Variants in ABCC5 observed in about 807,000 individuals in gnomAD.
ABCC5 encodes the protein ATP-binding cassette sub-family C member 5.
Under a neutral mutation model 160.9 loss-of-function variants are expected in ABCC5, and 61 were observed. That is an observed-to-expected ratio of 0.38 (90% CI 0.31 to 0.47). The LOEUF (loss-of-function observed/expected upper bound fraction) is 0.47, where lower values mean the gene tolerates loss of function less well. ABCC5 is among the 20% of genes least tolerant of loss of function. The pLI, the probability that ABCC5 is intolerant of heterozygous loss-of-function variation, is 0.99. For missense variants in ABCC5, 1,308 were observed against 1,813.3 expected (o/e 0.72, Z 5.06); for synonymous variants, 666 against 700.6 (o/e 0.95, Z 0.78).
intron 25 of ABCC5, among the ~76,000 whole-genome samples, chr3:183,942,262 C>T (rs1276665007): frequency 6.6e-6 from 1 of 152,088 alleles, no homozygotes; most frequent in Non-Finnish European, 1.5e-5. Flanking sequence ...TGGTGTTGAA[C>T]TCCTCAGGTG....
chr3:184,014,019 C>T (rs1576958190), intron 2 of ABCC5, among the ~76,000 whole-genome samples: 1 of 152,138 alleles, frequency 6.6e-6, no homozygotes, highest in Non-Finnish European at 1.5e-5. Context: ...ATTATAGGCG[C>T]CCGCCACCAC....
chr3:183,954,608 T>C (rs1715695792), intron 17 of ABCC5, among the ~76,000 whole-genome samples: 1 of 152,202 alleles, frequency 6.6e-6, no homozygotes, highest in African/African-American at 2.4e-5. Flanking sequence ...ACATAGTAAC[T>C]GGCTGGCTGC....
chr3:183,960,005 A>C (rs1716577086), intron 16 of ABCC5, among the ~76,000 whole-genome samples, 170 bp from the exon 17 acceptor site: 1 of 152,144 alleles, frequency 6.6e-6, no homozygotes, highest in South Asian at 2.1e-4. Flanking sequence ...CATCTCCTTA[A>C]ATTTTTAAGA....
At position 183,951,597 on chromosome 3, in the gene ABCC5, G is replaced by C. The variant is rs1332939974; in HGVS notation, c.2815-27C>G. ...TGAGGAGCAGAGCACAGAGTGGTCA[G>C]GGCCCAGGGACGGCTCTGTTCCTAC... is the stretch of plus-strand genomic sequence containing the variant. On this transcript the variant is annotated intron_variant, in intron 19 of 29. Transcript: ENST00000334444. This position sits in a 1 kb window ranked among gnomAD's most constrained non-coding sequence, Gnocchi z 4.7. 3.1e-6 allele frequency: 5 copies of C among 1,612,456 alleles called. No homozygotes were observed. The highest frequency in any genetic ancestry group is 1.3e-5 in the African/African-American group (1 of 75,040).
rs543848475 is a variant in ABCC5 at position 183,949,808 on chromosome 3, T to C, written c.3172A>G (p.Ile1058Val). 2 of 1,614,194 alleles carry C rather than the reference T, an allele frequency of 1.2e-6. No homozygotes were observed. The highest frequency in any genetic ancestry group is 2.2e-5 in the South Asian group (2 of 91,080). Reference sequence around the variant, plus strand: ...GCGTGGATGGTGGCAAGGCCCTGTATGCTGGACGTGATGTGGGAGAGGAAA... The same window carrying C: ...GCGTGGATGGTGGCAAGGCCCTGTACGCTGGACGTGATGTGGGAGAGGAAA... ...SPFLSHITSS[I>V]QGLATIHAYN... is the part of the protein sequence containing the mutation. Residue 1058 changes from isoleucine (I) to valine (V), a missense_variant, in exon 22 of 30, where the codon ATA becomes GTA. By Grantham distance (29) the Ile-to-Val change is conservative. Coordinates refer to ENST00000334444, the MANE Select transcript of ABCC5 (RefSeq NM_005688.4). This position sits in a 1 kb window ranked among gnomAD's most constrained non-coding sequence, Gnocchi z 4.2.
intron 2 of ABCC5, among the ~76,000 whole-genome samples, chr3:184,000,403 T>C (rs1720651328): frequency 6.6e-6 from 1 of 152,050 alleles, no homozygotes; most frequent in Non-Finnish European, 1.5e-5. Flanking sequence ...TAATAATATA[T>C]TTCGAGTAGT....
At chr3:183,922,287 G>A (rs1266351304) in intron 29 of ABCC5, among the ~76,000 whole-genome samples, 1 of 152,194 alleles carries the variant, frequency 6.6e-6, no homozygotes, top group Non-Finnish European at 1.5e-5. Context: ...CAGGAGAATC[G>A]CTGGAACCCG....
At chr3:183,972,892 T>G (rs573677013) in intron 10 of ABCC5, among the ~76,000 whole-genome samples, 1 of 152,230 alleles carries the variant, frequency 6.6e-6, no homozygotes, top group Non-Finnish European at 1.5e-5. Flanking sequence ...GTGATCTGCC[T>G]GCCTCAGCCT....
intron 26 of ABCC5, among the ~76,000 whole-genome samples, chr3:183,929,525 AC>A (rs1412828682): frequency 1.3e-5 from 2 of 152,180 alleles, no homozygotes; most frequent in Non-Finnish European, 2.9e-5. Context: ...CTGGTTCACA[AC>A]CCTGTAATTG....
rs763883082 is a variant in ABCC5 at position 183,927,337 on chromosome 3, T to C, written c.4040A>G (p.His1347Arg). ...AACCCCAAACTGCCTTACCTTACAGTGGCGGAGCAGGGCTCTAGCTATGCA... is the reference window on the plus strand; with the variant it reads ...AACCCCAAACTGCCTTACCTTACAGCGGCGGAGCAGGGCTCTAGCTATGCA... ...LLCIARALLRHCKILILDEAT... is the reference protein window; with the variant it reads ...LLCIARALLRRCKILILDEAT... The change falls in exon 28 of 30, where the codon CAC (histidine) becomes CGC (arginine). Residue 1347 changes from histidine to arginine, a missense_variant. This residue lies in a region of ABCC5 where 163 missense variants were observed against 269.7 expected (regional missense o/e 0.60). Transcript: ENST00000334444. 2.5e-6 allele frequency: 4 copies of C among 1,612,884 alleles called. No individual in the cohort carries two copies. In the South Asian group the frequency reaches 4.4e-5, roughly 18 times the overall value.
At chr3:183,957,474 G>C (rs1186416637) in intron 17 of ABCC5, among the ~76,000 whole-genome samples, 135 of 103,010 alleles carry the variant, frequency 1.3e-3, no homozygotes, top group South Asian at 3.2e-3. Flanking sequence ...GTGTGTATAT[G>C]ACATCAGTTA....
chr3:183,951,593 G>T lies in ABCC5; in HGVS notation c.2815-23C>A. ...GCCCTGAGGAGCAGAGCACAGAGTG[G>T]TCAGGGCCCAGGGACGGCTCTGTTC... On this transcript the variant is annotated intron_variant, in intron 19 of 29. Coordinates refer to ENST00000334444, the MANE Select transcript of ABCC5 (RefSeq NM_005688.4). The surrounding 1 kb of genome is among the most constrained non-coding windows in gnomAD (Gnocchi z 4.7). The T allele has an allele frequency of 6.2e-7, 1 of 1,612,862 alleles. No individual in the cohort carries two copies. The highest frequency in any genetic ancestry group is 1.1e-5 in the South Asian group (1 of 90,938).
chr3:183,921,154 T>C lies in ABCC5; in HGVS notation c.*146A>G. The C allele has an allele frequency of 1.9e-6, 1 of 523,176 alleles. No homozygotes were observed. The highest frequency in any genetic ancestry group is 3.5e-6 in the Non-Finnish European group (1 of 286,826). 32.4% of individuals were successfully genotyped at this position (523,176 alleles called of 1,614,324 possible). ...ATCAAAATATGACTCTCCCTAAAAG[T>C]GAAACACACAAGCCAATCCGGAACT... is the stretch of plus-strand genomic sequence containing the variant. On this transcript the variant is annotated 3_prime_UTR_variant, in exon 30 of 30. Coordinates refer to ENST00000334444, the MANE Select transcript of ABCC5 (RefSeq NM_005688.4). This position sits in a 1 kb window ranked among gnomAD's most constrained non-coding sequence, Gnocchi z 4.1.
At chr3:184,006,670 G>C (rs11926347) in intron 2 of ABCC5, among the ~76,000 whole-genome samples, 3 of 152,062 alleles carry the variant, frequency 2.0e-5, no homozygotes, top group African/African-American at 7.2e-5. Context: ...TCTATAATGA[G>C]CCCATATTTC....
intron 2 of ABCC5, chr3:184,001,000 C>T: frequency 2.5e-6 from 1 of 392,486 alleles, no homozygotes; most frequent in Non-Finnish European, 4.5e-6. Flanking sequence ...TGCCTGTCAT[C>T]ACAACACTTT....
intron 11 of ABCC5, among the ~76,000 whole-genome samples, chr3:183,970,667 GCTCAAGTGATCTGCC>G (rs1221343248): frequency 6.6e-6 from 1 of 152,096 alleles, no homozygotes; most frequent in Non-Finnish European, 1.5e-5. Flanking sequence ...GAACTCCTGG[GCTCAAGTGATCTGCC>G]CACCTTGGCC....
intron 8 of ABCC5, among the ~76,000 whole-genome samples, chr3:183,979,033 T>C (rs900726686): frequency 6.6e-6 from 1 of 152,088 alleles, no homozygotes; most frequent in African/African-American, 2.4e-5. Context: ...ACAATGGCAC[T>C]GGAGAATTAA....
chr3:183,996,491 C>A (rs536831804), intron 2 of ABCC5, among the ~76,000 whole-genome samples: 1 of 152,266 alleles, frequency 6.6e-6, no homozygotes, highest in East Asian at 1.9e-4. Flanking sequence ...TGTTTCACCA[C>A]CTCCTAGGTA....
chr3:183,984,174 T>C, intron 5 of ABCC5: 2 of 985,502 alleles, frequency 2.0e-6, no homozygotes, highest in Non-Finnish European at 1.2e-6. Flanking sequence ...CACTAAGTTG[T>C]GAGGAATTAC....
Sources: gnomAD v4.1 joint callset for allele counts (sites outside exome capture counted in the v4.1 genomes callset) on GRCh38, gnomAD v4.1.1 for gene constraint, gnomAD v4.1.1 regional missense constraint, Gnocchi (gnomAD v3.1) non-coding constraint, MANE v1.5 for transcripts, NCBI Gene and HGNC (gene_info 2026-07-23, HGNC 2026-07-21) for gene names.